Variants in CFAP61 observed in about 807,000 individuals in gnomAD.
CFAP61 encodes the protein cilia- and flagella-associated protein 61.
CFAP61 carries 107 observed loss-of-function variants against 135.6 expected under a neutral mutation model. The ratio of observed to expected loss-of-function variants is 0.79; its 90% CI spans 0.67 to 0.93. The LOEUF is 0.93. CFAP61 is among the 40% of genes least tolerant of loss of function. The pLI, the probability that CFAP61 is intolerant of heterozygous loss-of-function variation, is 0.00. For missense variants in CFAP61, 1,507 were observed against 1,556.2 expected, an observed-to-expected ratio of 0.97 and a Z score of 0.53; for synonymous variants, 575 against 578.5, an observed-to-expected ratio of 0.99 and a Z score of 0.09.
chr20:20,100,408 G>A (rs1159512399), intron 8 of CFAP61, among the ~76,000 whole-genome samples: 1 of 152,008 alleles, frequency 6.6e-6, no homozygotes, highest in Non-Finnish European at 1.5e-5. Context: ...CCTGACCTCA[G>A]GTGATTTACC....
intron 25 of CFAP61, among the ~76,000 whole-genome samples, chr20:20,339,626 C>A (rs978842592): frequency 6.6e-6 from 1 of 151,972 alleles, no homozygotes; most frequent in Non-Finnish European, 1.5e-5. Flanking sequence ...TATGTCACCA[C>A]CACACCTGGC....
chr20:20,159,545 C>A, intron 10 of CFAP61, 101 bp downstream of exon 10: 2 of 1,020,986 alleles, frequency 2.0e-6, no homozygotes, highest in South Asian at 1.3e-5. Flanking sequence ...CCCAATCTCC[C>A]TGCCTGTCTC....
intron 12 of CFAP61, 96 bp downstream of exon 12, chr20:20,166,532 G>A (rs1482458233): frequency 6.1e-6 from 6 of 979,024 alleles, no homozygotes; most frequent in Admixed American, 1.9e-5. Flanking sequence ...TGAATGTTGA[G>A]GTTTGTGTTC....
At chr20:20,081,244 TGA>T (rs2046409180) in intron 6 of CFAP61, among the ~76,000 whole-genome samples, 1 of 152,214 alleles carries the variant, frequency 6.6e-6, no homozygotes, top group Non-Finnish European at 1.5e-5. Context: ...GGGATAGATA[TGA>T]GTTACTTACA....
At chr20:20,282,048 G>GT (rs1160321000) in intron 22 of CFAP61, among the ~76,000 whole-genome samples, 1 of 152,096 alleles carries the variant, frequency 6.6e-6, no homozygotes, top group Non-Finnish European at 1.5e-5. Flanking sequence ...TTGGCATTAA[G>GT]TTTTTCACAT....
chr20:20,257,014 G>A (rs2051663370), intron 20 of CFAP61, among the ~76,000 whole-genome samples: 1 of 152,100 alleles, frequency 6.6e-6, no homozygotes, highest in South Asian at 2.1e-4. Context: ...GTTTCTCATA[G>A]AATGGCAGGA....
At chr20:20,276,410 T>G (rs1481989452) in intron 21 of CFAP61, among the ~76,000 whole-genome samples, 1 of 152,254 alleles carries the variant, frequency 6.6e-6, no homozygotes, top group African/African-American at 2.4e-5. Flanking sequence ...TTTCATTAAT[T>G]TAATAGTGTC....
intron 24 of CFAP61, among the ~76,000 whole-genome samples, chr20:20,292,772 G>A (rs1044925101): frequency 1.2e-4 from 19 of 152,128 alleles, no homozygotes; most frequent in Admixed American, 1.3e-4. Flanking sequence ...CTCACGCAGT[G>A]GCTCTGGGCT....
chr20:20,143,328 C>A (rs2051575204), intron 9 of CFAP61, among the ~76,000 whole-genome samples: 1 of 152,164 alleles, frequency 6.6e-6, no homozygotes, highest in Non-Finnish European at 1.5e-5. Context: ...TTCCTTACTG[C>A]CCTGACTGGT....
In CFAP61 at chr20:20,263,244, T is replaced by C. The variant is rs2147011933; in HGVS notation, c.2503+114T>C. The C allele has an allele frequency of 7.3e-6, 5 of 683,848 alleles. No individual in the cohort carries two copies. In the South Asian group the frequency reaches 2.1e-4, roughly 29 times the overall value. The allele number at this position is 683,848 out of a possible 1,614,324, so 42.4% of individuals were successfully genotyped here. ...TAGTGCCTAATTAATTCCAACCAAA[T>C]CATTCATCTGTCATGCTTTGTTTTC... On this transcript the variant is annotated intron_variant, in intron 21 of 26. Coordinates refer to ENST00000245957, the MANE Select transcript of CFAP61 (RefSeq NM_015585.4).
At chr20:20,211,733 T>C (rs2047655960) in intron 17 of CFAP61, among the ~76,000 whole-genome samples, 1 of 152,234 alleles carries the variant, frequency 6.6e-6, no homozygotes, top group African/African-American at 2.4e-5. Flanking sequence ...TTTTATTTTT[T>C]CATATAATTC....
intron 19 of CFAP61, among the ~76,000 whole-genome samples, chr20:20,249,091 T>C (rs2050687757): frequency 6.6e-6 from 1 of 152,202 alleles, no homozygotes; most frequent in Non-Finnish European, 1.5e-5. Flanking sequence ...CAGGCCCTGC[T>C]ATGTTAGAAT....
intron 17 of CFAP61, chr20:20,225,574 C>T (rs1266756837): frequency 6.6e-6 from 1 of 152,162 alleles, no homozygotes; most frequent in Admixed American, 6.5e-5. Context: ...GATAGAGGAG[C>T]TGTTTCATAA....
At chr20:20,101,372 A>G (rs1216044592) in intron 8 of CFAP61, among the ~76,000 whole-genome samples, 2 of 152,172 alleles carry the variant, frequency 1.3e-5, no homozygotes, top group African/African-American at 2.4e-5. Context: ...ATGTTATCCT[A>G]TAACTTGGTG....
intron 6 of CFAP61, among the ~76,000 whole-genome samples, chr20:20,077,760 G>T (rs1164910194): frequency 2.6e-5 from 4 of 152,196 alleles, no homozygotes; most frequent in African/African-American, 7.2e-5. Flanking sequence ...GATTGAAAGG[G>T]TTTATCTAAA....
chr20:20,289,434 C>T (rs1467827011), intron 23 of CFAP61, among the ~76,000 whole-genome samples: 1 of 152,196 alleles, frequency 6.6e-6, no homozygotes, highest in Non-Finnish European at 1.5e-5. Flanking sequence ...GAGATGATTT[C>T]ATGAGTAATG....
At chr20:20,068,444 G>C (rs4401272) in intron 2 of CFAP61, among the ~76,000 whole-genome samples, 71,098 of 151,984 alleles carry the variant, frequency 0.47, 17,826 homozygotes, top group Non-Finnish European at 0.55. Flanking sequence ...AGAGCCCTGT[G>C]TGGATACTGT....
intron 13 of CFAP61, among the ~76,000 whole-genome samples, chr20:20,170,010 A>G (rs949433692): frequency 6.6e-6 from 1 of 152,250 alleles, no homozygotes. Context: ...TGGGAACACA[A>G]TGGTGAACAA....
chr20:20,302,433 G>A (rs544627555), intron 25 of CFAP61, among the ~76,000 whole-genome samples: 1 of 152,078 alleles, frequency 6.6e-6, no homozygotes, highest in African/African-American at 2.4e-5. Flanking sequence ...AGGCCGAGGC[G>A]GGCAGATCAC....
Sources: gnomAD v4.1 joint callset for allele counts (sites outside exome capture counted in the v4.1 genomes callset) on GRCh38, gnomAD v4.1.1 for gene constraint, MANE v1.5 for transcripts, NCBI Gene and HGNC (gene_info 2026-07-23, HGNC 2026-07-21) for gene names.